PLCXD3: variants seen among roughly 807,000 people sequenced by gnomAD.
PLCXD3 encodes the protein PI-PLC X domain-containing protein 3.
PLCXD3 carries 19 observed loss-of-function variants against 25.5 expected under a neutral mutation model. The ratio of observed to expected loss-of-function variants is 0.75; its 90% CI spans 0.52 to 1.09. PLCXD3 has a LOEUF of 1.09. Among genes scored for constraint, PLCXD3 ranks in the 50% least tolerant of loss-of-function variants. The pLI is 0.00. For missense variants in PLCXD3, 411 were observed against 388.1 expected (o/e 1.06, Z -0.50); for synonymous variants, 174 against 137.6 (o/e 1.26, Z -1.85).
intron 1 of PLCXD3, among the ~76,000 whole-genome samples, chr5:41,422,738 T>A (rs1746858503): frequency 6.6e-6 from 1 of 152,206 alleles, no homozygotes; most frequent in Admixed American, 6.5e-5. Flanking sequence ...TCAGATTTAT[T>A]TCCAGGTATC....
At chr5:41,452,248 G>A (rs1473515079) in intron 1 of PLCXD3, among the ~76,000 whole-genome samples, 1 of 151,998 alleles carries the variant, frequency 6.6e-6, no homozygotes, top group East Asian at 1.9e-4. Context: ...ATACCATCAG[G>A]ATTTCAAATG....
chr5:41,422,084 T>A (rs1356396910), intron 1 of PLCXD3, among the ~76,000 whole-genome samples: 1 of 152,224 alleles, frequency 6.6e-6, no homozygotes, highest in African/African-American at 2.4e-5. Flanking sequence ...TACTGTATTT[T>A]TATCTTTATT....
At chr5:41,478,942 G>T (rs1748337414) in intron 1 of PLCXD3, among the ~76,000 whole-genome samples, 1 of 152,120 alleles carries the variant, frequency 6.6e-6, no homozygotes, top group Admixed American at 6.5e-5. Context: ...GATCTCGTGA[G>T]AACTCACTAT....
At position 41,324,631 on chromosome 5, in the gene PLCXD3, C is replaced by T. The variant is rs114913381; in HGVS notation, c.813-10861G>A. 4.5e-3 allele frequency among the ~76,000 whole-genome samples: 689 copies of T among 152,244 alleles called. 2 individuals are homozygous for T. Among genetic ancestry groups the T allele is most frequent in the African/African-American group, 0.016 (650 of 41,534 alleles). On this transcript the variant is annotated intron_variant, in intron 2 of 2. Coordinates refer to ENST00000377801, the MANE Select transcript of PLCXD3 (RefSeq NM_001005473.3). ...ATACAGACATGAGTGTATTCAAGTT[C>T]ATTAGAACGACAGATACTGTGACAG... is the stretch of plus-strand genomic sequence containing the variant.
chr5:41,384,295 T>A (rs998846507), intron 1 of PLCXD3, among the ~76,000 whole-genome samples: 1 of 152,118 alleles, frequency 6.6e-6, no homozygotes, highest in Non-Finnish European at 1.5e-5. Flanking sequence ...TAGTTGCTAT[T>A]CATTTGACTG....
chr5:41,341,159 A>G lies in PLCXD3; in HGVS notation c.813-27389T>C, dbSNP rs1744136976. On this transcript the variant is annotated intron_variant, in intron 2 of 2. Transcript: ENST00000377801. ...TCAGTGAAAAACCAAATAATACCAT[A>G]TATAGTTGACTGAAGAATTACAAAT... Among the ~76,000 whole-genome samples, 4 of 152,298 alleles carry G rather than the reference A, an allele frequency of 2.6e-5. No individual in the cohort carries two copies. The South Asian group carries it at 8.3e-4, about 32-fold the overall frequency.
intron 1 of PLCXD3, among the ~76,000 whole-genome samples, chr5:41,452,491 C>G (rs896328567): frequency 1.3e-5 from 2 of 151,950 alleles, no homozygotes; most frequent in African/African-American, 4.8e-5. Context: ...GTACCAGAGA[C>G]CTATGTGCGT....
chr5:41,476,538 T>G (rs1452854380), intron 1 of PLCXD3, among the ~76,000 whole-genome samples: 9 of 152,226 alleles, frequency 5.9e-5, no homozygotes. Flanking sequence ...TTATACATGT[T>G]GTCTCCATTT....
In PLCXD3 at chr5:41,307,801, T is replaced by C. The variant is rs1743036972; in HGVS notation, c.*5816A>G. ...GGAAATAATGAATTCGTTTGTTATC[T>C]CTCTGAAAGAAAAAAGAAATTGAAT... On this transcript the variant is annotated 3_prime_UTR_variant, in exon 3 of 3. Coordinates refer to ENST00000377801, the MANE Select transcript of PLCXD3 (RefSeq NM_001005473.3). The C allele has an allele frequency of 6.6e-6, 1 of 152,142 alleles. No homozygotes were observed. Among genetic ancestry groups the C allele is most frequent in the African/African-American group, 2.4e-5 (1 of 41,438 alleles). 9.4% of individuals were successfully genotyped at this position (152,142 alleles called of 1,614,324 possible). A position where few individuals can be genotyped will look rare whatever the true frequency, so the allele number is the denominator to read the frequency against.
intron 2 of PLCXD3, among the ~76,000 whole-genome samples, chr5:41,320,205 T>A (rs992983735): frequency 3.9e-5 from 6 of 152,112 alleles, no homozygotes; most frequent in African/African-American, 1.4e-4. Context: ...ATAGCAATCC[T>A]ACTCTAATTA....
intron 2 of PLCXD3, among the ~76,000 whole-genome samples, chr5:41,357,056 GACC>G (rs1381960497): frequency 1.3e-5 from 2 of 152,322 alleles, no homozygotes; most frequent in South Asian, 2.1e-4. Flanking sequence ...AGACACGCTT[GACC>G]TAACTCTGAG....
intron 1 of PLCXD3, among the ~76,000 whole-genome samples, chr5:41,390,766 C>G (rs1745788901): frequency 6.6e-6 from 1 of 151,964 alleles, no homozygotes; most frequent in African/African-American, 2.4e-5. Context: ...ATCAGATGAC[C>G]ACTCATAGCA....
intron 1 of PLCXD3, among the ~76,000 whole-genome samples, chr5:41,397,547 A>G (rs1746045968): frequency 1.3e-5 from 2 of 152,202 alleles, no homozygotes; most frequent in African/African-American, 4.8e-5. Context: ...GGCAGTGCAG[A>G]GAGGAAATGT....
Position 41,506,008 on chromosome 5 carries a change from T to G in PLCXD3, c.103+4416A>C, listed in dbSNP as rs547236872. Among the ~76,000 whole-genome samples, 5 of 152,340 alleles carry G rather than the reference T, an allele frequency of 3.3e-5. No individual in the cohort carries two copies. The South Asian group carries it at 1.0e-3, about 32-fold the overall frequency. ...CTCTTTAGAGATACACTAAAGCAGT[T>G]TTCTCAAACTTTAAATGTGTATATA... On this transcript the variant is annotated intron_variant, in intron 1 of 2. Transcript: ENST00000377801.
intron 2 of PLCXD3, among the ~76,000 whole-genome samples, chr5:41,320,579 C>T (rs373662688): frequency 6.6e-6 from 1 of 152,232 alleles, no homozygotes; most frequent in African/African-American, 2.4e-5. Context: ...TCACTGCAAG[C>T]TCCACCTCCC....
chr5:41,382,314 A>C lies in PLCXD3; in HGVS notation c.324T>G (p.Asn108Lys). Residue 108 changes from asparagine to lysine, a missense_variant, in exon 2 of 3, where the codon AAT becomes AAG. By Grantham distance (94) the Asn-to-Lys change is moderately conservative. Coordinates refer to ENST00000377801, the MANE Select transcript of PLCXD3 (RefSeq NM_001005473.3). ...RISTKPRDPD[N>K]ELYFAHGLFS... ...ACAAACCATGAGCAAAATAGAGTTC[A>C]TTGTCGGGGTCTCTGGGCTTGGTGG... is the stretch of plus-strand genomic sequence containing the variant. 1 of 1,613,592 alleles carries C rather than the reference A, an allele frequency of 6.2e-7. No homozygotes were observed. The highest frequency in any genetic ancestry group is 1.1e-5 in the South Asian group (1 of 91,066).
intron 1 of PLCXD3, among the ~76,000 whole-genome samples, chr5:41,454,264 T>A (rs150867810): frequency 8.8e-4 from 134 of 152,128 alleles, no homozygotes; most frequent in African/African-American, 3.0e-3. Context: ...TCTTAGTTCA[T>A]TCAGGCTACT....
At chr5:41,377,076 A>C (rs1745317916) in intron 2 of PLCXD3, among the ~76,000 whole-genome samples, 1 of 152,110 alleles carries the variant, frequency 6.6e-6, no homozygotes, top group Non-Finnish European at 1.5e-5. Flanking sequence ...TTAGGCATTT[A>C]AATGTTTGCT....
intron 1 of PLCXD3, among the ~76,000 whole-genome samples, chr5:41,383,644 A>T (rs1745549258): frequency 6.6e-6 from 1 of 152,076 alleles, no homozygotes; most frequent in South Asian, 2.1e-4. Context: ...ACCTTGTCCT[A>T]GTACCATCAT....
Sources: allele counts gnomAD v4.1 joint callset (sites outside exome capture counted in the v4.1 genomes callset), GRCh38; gene constraint gnomAD v4.1.1; transcripts MANE v1.5; gene names NCBI Gene and HGNC (gene_info 2026-07-23, HGNC 2026-07-21).